SDHAF3: variants seen among roughly 807,000 people sequenced by gnomAD.
SDHAF3 encodes the protein succinate dehydrogenase complex assembly factor 3.
SDHAF3 carries 18 observed loss-of-function variants against 11.5 expected under a neutral mutation model. The observed-to-expected ratio is 1.56, with a 90% CI of 1.08 to 2.32. SDHAF3 has a LOEUF of 2.32. Ranked by LOEUF, SDHAF3 falls within the 30% of genes most tolerant of loss-of-function variation. The pLI is 0.00. For synonymous variants in SDHAF3, 72 were observed against 59.3 expected (o/e 1.21, Z -0.99); for missense variants, 200 against 154.4 (o/e 1.30, Z -1.57).
chr7:97,124,232 C>T (rs113043214), intron 1 of SDHAF3, among the ~76,000 whole-genome samples: 16,315 of 152,166 alleles, frequency 0.11, 883 homozygotes, highest in Middle Eastern at 0.16. Flanking sequence ...TTTCCCAGCA[C>T]CATTTATTAA....
At chr7:97,169,669 C>G (rs922683126) in intron 1 of SDHAF3, among the ~76,000 whole-genome samples, 1 of 151,696 alleles carries the variant, frequency 6.6e-6, no homozygotes, top group South Asian at 2.1e-4. Flanking sequence ...TACAGATGAA[C>G]AGGTAGTTAA....
At chr7:97,164,134 C>T (rs570308870) in intron 1 of SDHAF3, among the ~76,000 whole-genome samples, 265 of 151,480 alleles carry the variant, frequency 1.7e-3, no homozygotes, top group Non-Finnish European at 2.5e-3. Context: ...TTAGTAGAGA[C>T]GAGGTTTCAC....
At chr7:97,163,144 T>C (rs1234082892) in intron 1 of SDHAF3, among the ~76,000 whole-genome samples, 1 of 151,592 alleles carries the variant, frequency 6.6e-6, no homozygotes, top group Non-Finnish European at 1.5e-5. Context: ...CTTTGTCTCT[T>C]TTGACCTTTG....
At chr7:97,146,114 C>T (rs956137863) in intron 1 of SDHAF3, among the ~76,000 whole-genome samples, 1 of 47,620 alleles carries the variant, frequency 2.1e-5, no homozygotes, top group Non-Finnish European at 4.0e-5. Context: ...AATAGGCTTT[C>T]CCCCCCCCAC....
chr7:97,158,581 C>T (rs574777138), intron 1 of SDHAF3, among the ~76,000 whole-genome samples: 4 of 152,310 alleles, frequency 2.6e-5, no homozygotes, highest in African/African-American at 9.6e-5. Flanking sequence ...GCCTCAGCCT[C>T]TCAAAGTGCT....
chr7:97,126,914 A>C (rs1326184724), intron 1 of SDHAF3, among the ~76,000 whole-genome samples: 1 of 151,740 alleles, frequency 6.6e-6, no homozygotes, highest in African/African-American at 2.4e-5. Context: ...TTTGAGCTTG[A>C]AACCCAGGGC....
intron 1 of SDHAF3, among the ~76,000 whole-genome samples, chr7:97,165,668 T>C (rs1789492638): frequency 6.6e-6 from 1 of 152,204 alleles, no homozygotes; most frequent in African/African-American, 2.4e-5. Flanking sequence ...TGCAAGCTCA[T>C]CCATTCAAAT....
At chr7:97,153,187 G>A (rs912817474) in intron 1 of SDHAF3, among the ~76,000 whole-genome samples, 1 of 152,148 alleles carries the variant, frequency 6.6e-6, no homozygotes, top group Non-Finnish European at 1.5e-5. Context: ...TATCTCTTTT[G>A]CTGTCATAAT....
intron 1 of SDHAF3, among the ~76,000 whole-genome samples, chr7:97,141,825 C>CT (rs1390956082): frequency 6.6e-6 from 1 of 151,904 alleles, no homozygotes; most frequent in East Asian, 1.9e-4. Context: ...TTATGTACAC[C>CT]TTTTTGCCAC....
At chr7:97,148,616 T>C (rs1031245316) in intron 1 of SDHAF3, among the ~76,000 whole-genome samples, 11 of 152,252 alleles carry the variant, frequency 7.2e-5, no homozygotes, top group African/African-American at 2.7e-4. Context: ...ACCCTGTTCC[T>C]AGATTTAATT....
chr7:97,156,087 C>T (rs911182188), intron 1 of SDHAF3, among the ~76,000 whole-genome samples: 3 of 152,176 alleles, frequency 2.0e-5, no homozygotes, highest in Non-Finnish European at 4.4e-5. Context: ...TTCACATTAA[C>T]TTAGGTCATT....
chr7:97,157,256 C>G (rs930330122), intron 1 of SDHAF3, among the ~76,000 whole-genome samples: 21 of 152,090 alleles, frequency 1.4e-4, no homozygotes, highest in African/African-American at 4.8e-4. Context: ...TTTACATTCT[C>G]TAGACTTTTT....
chr7:97,146,113 T>C (rs1030330976), intron 1 of SDHAF3, among the ~76,000 whole-genome samples: 22 of 151,234 alleles, frequency 1.5e-4, no homozygotes, highest in East Asian at 5.8e-4. Context: ...AAATAGGCTT[T>C]CCCCCCCCCA....
intron 1 of SDHAF3, 85 bp from the exon 2 acceptor site, chr7:97,180,927 G>C (rs1789761196): frequency 8.6e-7 from 1 of 1,169,370 alleles, no homozygotes; most frequent in Non-Finnish European, 1.2e-6. Flanking sequence ...GGAAAAATAG[G>C]TGACTCAGAA....
intron 1 of SDHAF3, among the ~76,000 whole-genome samples, chr7:97,133,728 G>C (rs1370538912): frequency 1.3e-5 from 2 of 152,104 alleles, no homozygotes; most frequent in African/African-American, 4.8e-5. Context: ...GAGGGAGAAT[G>C]GTATTTGCCT....
intron 1 of SDHAF3, among the ~76,000 whole-genome samples, chr7:97,167,015 T>A (rs2115730502): frequency 6.6e-6 from 1 of 151,834 alleles, no homozygotes; most frequent in South Asian, 2.1e-4. Context: ...TTCTTGACAA[T>A]GCTTGATAAA....
chr7:97,180,603 G>A lies in SDHAF3; in HGVS notation c.175-409G>A, dbSNP rs1789754095. 2.0e-5 allele frequency among the ~76,000 whole-genome samples: 3 copies of A among 152,132 alleles called. No individual in the cohort carries two copies. In the South Asian group the frequency reaches 6.2e-4, roughly 31 times the overall value. On this transcript the variant is annotated intron_variant, in intron 1 of 1. Coordinates refer to ENST00000432641, the MANE Select transcript of SDHAF3 (RefSeq NM_020186.3). ...TTGTATCTAGGGGATATATGTGCAG[G>A]TTTAAAATAAAAGTTGGGGGAAAAA...
chr7:97,156,525 T>G (rs1789303264), intron 1 of SDHAF3, among the ~76,000 whole-genome samples: 1 of 152,202 alleles, frequency 6.6e-6, no homozygotes, highest in Admixed American at 6.5e-5. Context: ...TCTGTCCATT[T>G]TAGGGGTTAG....
chr7:97,128,263 A>G (rs1222540915), intron 1 of SDHAF3, among the ~76,000 whole-genome samples: 2 of 152,252 alleles, frequency 1.3e-5, no homozygotes, highest in Non-Finnish European at 2.9e-5. Flanking sequence ...TCCTTGCAAC[A>G]TAGAATGTTT....
Sources: gnomAD v4.1 joint callset for allele counts (sites outside exome capture counted in the v4.1 genomes callset) on GRCh38, gnomAD v4.1.1 for gene constraint, MANE v1.5 for transcripts, NCBI Gene and HGNC (gene_info 2026-07-23, HGNC 2026-07-21) for gene names.